The following MALRD1 variants were observed in gnomAD, a reference collection of about 807,000 sequenced individuals.
MALRD1 encodes MAM and LDL-receptor class A domain-containing protein 1.
MALRD1 carries 247 observed loss-of-function variants against 242.1 expected under a neutral mutation model. That is an observed-to-expected ratio of 1.02 (90% confidence interval 0.92 to 1.13). MALRD1 has a LOEUF of 1.13. MALRD1 is among the 50% of genes most tolerant of loss of function. The probability of loss-of-function intolerance (pLI) is 0.00; values close to 1 mark genes in which losing one functional copy is unlikely to be tolerated. For synonymous variants in MALRD1, 995 were observed against 866.6 expected (o/e 1.15, Z -2.60); for missense variants, 2,989 against 2,533.1 (o/e 1.18, Z -3.86).
chr10:19,292,360 T>C (rs1443907676), intron 21 of MALRD1, among the ~76,000 whole-genome samples: 1 of 152,184 alleles, frequency 6.6e-6, no homozygotes, highest in Non-Finnish European at 1.5e-5. Flanking sequence ...AAGTGATGGA[T>C]ATTTTAAAAT....
rs72796460 is a variant in MALRD1, at chr10:19,283,131, C to G, written c.3369C>G (p.Ile1123Met). 1.3e-6 allele frequency: 2 copies of G among 1,549,442 alleles called. No individual in the cohort carries two copies. Among genetic ancestry groups the G allele is most frequent in the Non-Finnish European group, 1.7e-6 (2 of 1,146,314 alleles). Residue 1123 changes from isoleucine (I) to methionine (M), a missense_variant, in exon 21 of 40, where the codon ATC (isoleucine) becomes ATG (methionine). Coordinates refer to ENST00000454679, the MANE Select transcript of MALRD1 (RefSeq NM_001142308.3). ...NTFRWGLGNG[I>M]SIHHGEENHR... ...TCAGGTGGGGGCTTGGGAACGGGAT[C>G]AGCATTCATCATGGGGAAGAAAACC...
At chr10:19,186,435 A>T (rs543459775) in intron 14 of MALRD1, among the ~76,000 whole-genome samples, 4 of 152,220 alleles carry the variant, frequency 2.6e-5, no homozygotes, top group Non-Finnish European at 5.9e-5. Context: ...TTCTATAGTC[A>T]GGTAAAATCT....
chr10:19,607,868 C>G lies in MALRD1; in HGVS notation c.6036C>G (p.Cys2012Trp). 1 of 1,549,736 alleles carries G rather than the reference C, an allele frequency of 6.5e-7. No homozygotes were observed. The highest frequency in any genetic ancestry group is 8.7e-7 in the Non-Finnish European group (1 of 1,146,462). Reference sequence around the variant, plus strand: ...AGCGCTGTGATGGTTTTGCCGACTGCATGGATTTCCAGCTTGATGAGTCCA... The same window carrying G: ...AGCGCTGTGATGGTTTTGCCGACTGGATGGATTTCCAGCTTGATGAGTCCA... ...AHQRCDGFAD[C>W]MDFQLDESSC... Residue 2012 changes from cysteine to tryptophan, a missense_variant, in exon 35 of 40, where the codon TGC (cysteine) becomes TGG (tryptophan). Cys to Trp is a radical substitution (Grantham distance 215, BLOSUM62 -2). Coordinates refer to ENST00000454679, the MANE Select transcript of MALRD1 (RefSeq NM_001142308.3).
intron 18 of MALRD1, among the ~76,000 whole-genome samples, chr10:19,224,090 T>G (rs1837678894): frequency 6.6e-6 from 1 of 152,106 alleles, no homozygotes; most frequent in African/African-American, 2.4e-5. Context: ...GGTCAAATGG[T>G]ATTTCTAGTT....
At chr10:19,622,317 A>G (rs1452243996) in intron 36 of MALRD1, among the ~76,000 whole-genome samples, 1 of 151,792 alleles carries the variant, frequency 6.6e-6, no homozygotes, top group Non-Finnish European at 1.5e-5. Context: ...TTAGATTAAT[A>G]GTCTACATAC....
At chr10:19,266,148 GT>G (rs35080418) in intron 19 of MALRD1, among the ~76,000 whole-genome samples, 27 of 148,252 alleles carry the variant, frequency 1.8e-4, no homozygotes, top group South Asian at 8.5e-4. Context: ...ATTGGATATT[GT>G]TTTTTTTTTA....
intron 28 of MALRD1, among the ~76,000 whole-genome samples, chr10:19,440,461 A>G (rs889819431): frequency 1.3e-5 from 2 of 151,972 alleles, no homozygotes; most frequent in Non-Finnish European, 2.9e-5. Flanking sequence ...CATCATTTAC[A>G]TTAGGTATTT....
intron 26 of MALRD1, among the ~76,000 whole-genome samples, chr10:19,357,881 G>T (rs1165776514): frequency 1.3e-5 from 2 of 152,006 alleles, no homozygotes; most frequent in African/African-American, 4.8e-5. Context: ...ATATATTTAG[G>T]AAGATGCAAT....
intron 36 of MALRD1, among the ~76,000 whole-genome samples, chr10:19,649,565 C>T (rs1166597883): frequency 6.6e-6 from 1 of 152,106 alleles, no homozygotes; most frequent in Non-Finnish European, 1.5e-5. Flanking sequence ...CCTTTGTCCA[C>T]TTTTTAATGG....
intron 11 of MALRD1, among the ~76,000 whole-genome samples, chr10:19,153,261 C>T (rs1834006918): frequency 6.6e-6 from 1 of 152,166 alleles, no homozygotes; most frequent in Non-Finnish European, 1.5e-5. Context: ...CCTATGCTCA[C>T]AAGTGAGATT....
At position 19,530,385 on chromosome 10, in the gene MALRD1, T is replaced by TTTATATAAATATATA. The variant is rs1564417186; in HGVS notation, c.5321-809_5321-808insTTATATAAATATATA. ...TATATAAATATTTATATAAATATTA[T>TTTATATAAATATATA]ATATTTATATAAATATTATATATTT... On this transcript the variant is annotated intron_variant, in intron 31 of 39. Transcript: ENST00000454679. Among the ~76,000 whole-genome samples, 45 of 85,244 alleles carry TTTATATAAATATATA rather than the reference T, an allele frequency of 5.3e-4. 3 individuals are homozygous for TTTATATAAATATATA. Among genetic ancestry groups the TTTATATAAATATATA allele is most frequent in the Admixed American group, 1.2e-3 (8 of 6,492 alleles). The allele number at this position is 85,244 out of a possible 152,430, so 55.9% of individuals were successfully genotyped here. A position where few individuals can be genotyped will look rare whatever the true frequency, so the allele number is the denominator to read the frequency against.
chr10:19,215,264 T>A (rs964047664), intron 18 of MALRD1, among the ~76,000 whole-genome samples: 4 of 152,244 alleles, frequency 2.6e-5, no homozygotes, highest in Admixed American at 6.5e-5. Context: ...GCACAACACT[T>A]CTGGCACCCA....
chr10:19,301,616 A>T (rs989321187), intron 21 of MALRD1, among the ~76,000 whole-genome samples: 3 of 151,876 alleles, frequency 2.0e-5, no homozygotes, highest in African/African-American at 7.2e-5. Context: ...ACAGGAACAG[A>T]AAAGCAAATA....
At chr10:19,711,202 T>C (rs1834096293) in intron 38 of MALRD1, 1 of 152,258 alleles carries the variant, frequency 6.6e-6, no homozygotes, top group Non-Finnish European at 1.5e-5. Context: ...TTAGGGATAC[T>C]CCTTCCACTT....
chr10:19,638,682 C>G (rs1402141056), intron 36 of MALRD1, among the ~76,000 whole-genome samples: 3 of 152,222 alleles, frequency 2.0e-5, no homozygotes, highest in African/African-American at 7.2e-5. Flanking sequence ...CAATCCTGCA[C>G]CAGAGCTAGG....
intron 32 of MALRD1, among the ~76,000 whole-genome samples, chr10:19,562,094 A>G (rs896193828): frequency 9.8e-5 from 15 of 152,290 alleles, no homozygotes; most frequent in Middle Eastern, 6.8e-3. Flanking sequence ...TCAGGAGTTC[A>G]AGACCAGCCT....
At chr10:19,110,521 A>C (rs897245540) in intron 5 of MALRD1, among the ~76,000 whole-genome samples, 8 of 152,216 alleles carry the variant, frequency 5.3e-5, no homozygotes, top group Admixed American at 1.3e-4. Flanking sequence ...TGTCGTCCTC[A>C]ATGCTGTTTC....
At chr10:19,723,779 A>G (rs989929258) in intron 38 of MALRD1, among the ~76,000 whole-genome samples, 19 of 151,486 alleles carry the variant, frequency 1.3e-4, no homozygotes, top group African/African-American at 4.4e-4. Context: ...CTTTTGAGCT[A>G]AGTTTTCTTT....
At chr10:19,114,443 C>T (rs111630473) in intron 5 of MALRD1, among the ~76,000 whole-genome samples, 4 of 152,032 alleles carry the variant, frequency 2.6e-5, no homozygotes. Flanking sequence ...TCGAGACCAG[C>T]CTGGCCAACA....
Sources: allele counts gnomAD v4.1 joint callset (sites outside exome capture counted in the v4.1 genomes callset), GRCh38; gene constraint gnomAD v4.1.1; transcripts MANE v1.5; gene names NCBI Gene and HGNC (gene_info 2026-07-23, HGNC 2026-07-21).